Variants in CACNA2D1 observed in about 807,000 individuals in gnomAD.
CACNA2D1 encodes the protein calcium voltage-gated channel auxiliary subunit alpha2delta 1.
A neutral mutation model predicts 171.5 loss-of-function variants in CACNA2D1; 53 were observed. The observed-to-expected ratio is 0.31, with a 90% CI of 0.25 to 0.39. The LOEUF is 0.39. CACNA2D1 is among the 10% of genes least tolerant of loss of function. CACNA2D1 has a pLI of 1.00. For missense variants in CACNA2D1, 903 were observed against 1,299.8 expected, an observed-to-expected ratio of 0.69 and a Z score of 4.69; for synonymous variants, 442 against 443.1, an observed-to-expected ratio of 1.00 and a Z score of 0.03.
intron 6 of CACNA2D1, among the ~76,000 whole-genome samples, chr7:82,093,097 T>C (rs1811420738): frequency 6.6e-6 from 1 of 152,146 alleles, no homozygotes; most frequent in African/African-American, 2.4e-5. Context: ...ATGTATGTAA[T>C]GTGTGCAAAA....
intron 6 of CACNA2D1, among the ~76,000 whole-genome samples, chr7:82,093,346 T>G (rs1369974504): frequency 6.6e-6 from 1 of 152,220 alleles, no homozygotes; most frequent in African/African-American, 2.4e-5. Flanking sequence ...TTAATCATCA[T>G]TATTTTCTCT....
intron 7 of CACNA2D1, among the ~76,000 whole-genome samples, chr7:82,083,066 C>T (rs1009548716): frequency 2.6e-5 from 4 of 151,898 alleles, no homozygotes; most frequent in African/African-American, 9.7e-5. Flanking sequence ...TCTTGTAACC[C>T]TTTTCTCTCT....
intron 5 of CACNA2D1, among the ~76,000 whole-genome samples, chr7:82,129,522 A>C (rs573035307): frequency 6.6e-6 from 1 of 152,248 alleles, no homozygotes; most frequent in African/African-American, 2.4e-5. Context: ...CACATTGTCA[A>C]ATTTGTTAGT....
At chr7:82,000,563 T>C (rs37120) in intron 18 of CACNA2D1, among the ~76,000 whole-genome samples, 3,294 of 151,886 alleles carry the variant, frequency 0.022, 123 homozygotes, top group African/African-American at 0.074. Context: ...CTTAATAACA[T>C]ATTACCTCTT....
intron 31 of CACNA2D1, among the ~76,000 whole-genome samples, chr7:81,966,593 T>C (rs972284057): frequency 6.6e-5 from 10 of 151,334 alleles, no homozygotes; most frequent in Non-Finnish European, 1.3e-4. Flanking sequence ...ATTATTTATC[T>C]AGTATCATTC....
At chr7:82,027,561 A>G (rs765490118) in intron 12 of CACNA2D1, 1 of 151,706 alleles carries the variant, frequency 6.6e-6, no homozygotes, top group Non-Finnish European at 1.5e-5. Flanking sequence ...ATAATAATGT[A>G]TAAGGTCTTC....
rs183159961 is a variant in CACNA2D1, at chr7:82,172,736, C to T, written c.295-2127G>A. ...TACACACATGAGCCATCCTGCCCGG[C>T]CAAAGACATGCCCTTGACAAAATTT... is the stretch of plus-strand genomic sequence containing the variant. On this transcript the variant is annotated intron_variant, in intron 3 of 38. Transcript: ENST00000356860. 2.7e-3 allele frequency among the ~76,000 whole-genome samples: 403 copies of T among 146,666 alleles called. 2 individuals carry two copies. The highest frequency in any genetic ancestry group is 9.8e-3 in the African/African-American group (388 of 39,520).
chr7:82,391,718 A>C (rs868725507), intron 1 of CACNA2D1, among the ~76,000 whole-genome samples: 1 of 152,188 alleles, frequency 6.6e-6, no homozygotes, highest in Non-Finnish European at 1.5e-5. Flanking sequence ...TGGAAAGGGG[A>C]TTCCTTAAGG....
chr7:82,258,804 C>CTTACT (rs1209273688), intron 3 of CACNA2D1, among the ~76,000 whole-genome samples: 3 of 89,522 alleles, frequency 3.4e-5, no homozygotes, highest in Non-Finnish European at 4.8e-5. Context: ...TTCTTTCTTT[C>CTTACT]TTTCTTACTT....
intron 1 of CACNA2D1, among the ~76,000 whole-genome samples, chr7:82,368,885 T>G (rs1341652078): frequency 6.6e-6 from 1 of 152,206 alleles, no homozygotes; most frequent in Non-Finnish European, 1.5e-5. Flanking sequence ...TGTATCATTC[T>G]CATTCCAGAA....
rs115449301 is a variant in CACNA2D1 at position 82,251,665 on chromosome 7, T to C, written c.295-81056A>G. ...TCTAGGTATGTAAGTGATTTGATGT[T>C]ATTATGCCCTCTGTTCTTTTCATTT... is the stretch of plus-strand genomic sequence containing the variant. On this transcript the variant is annotated intron_variant, in intron 3 of 38. Coordinates refer to ENST00000356860, the MANE Select transcript of CACNA2D1 (RefSeq NM_000722.4). Among the ~76,000 whole-genome samples the C allele has an allele frequency of 8.6e-3, 1,308 of 152,320 alleles. 15 individuals carry two copies. The highest frequency in any genetic ancestry group is 0.03 in the African/African-American group (1,244 of 41,572).
chr7:82,386,185 C>T (rs1044409466), intron 1 of CACNA2D1, among the ~76,000 whole-genome samples: 30 of 152,254 alleles, frequency 2.0e-4, no homozygotes, highest in African/African-American at 6.0e-4. Context: ...ACAATACCCA[C>T]TGCAATAACT....
At chr7:82,145,928 A>G (rs1347058636) in intron 4 of CACNA2D1, among the ~76,000 whole-genome samples, 1 of 151,964 alleles carries the variant, frequency 6.6e-6, no homozygotes, top group Non-Finnish European at 1.5e-5. Flanking sequence ...GGCCTTTTGT[A>G]AGCTTGCTTC....
intron 3 of CACNA2D1, among the ~76,000 whole-genome samples, chr7:82,215,635 A>T (rs2129235260): frequency 6.6e-6 from 1 of 152,216 alleles, no homozygotes; most frequent in African/African-American, 2.4e-5. Flanking sequence ...TTCCTGTTAC[A>T]CTTTATTTAT....
chr7:82,162,501 G>C (rs73157510), intron 4 of CACNA2D1, among the ~76,000 whole-genome samples: 1 of 151,936 alleles, frequency 6.6e-6, no homozygotes, highest in African/African-American at 2.4e-5. Context: ...GCAGGGGAGA[G>C]CTGGTCATTC....
At chr7:82,328,768 A>G (rs1371752189) in intron 3 of CACNA2D1, among the ~76,000 whole-genome samples, 2 of 152,124 alleles carry the variant, frequency 1.3e-5, no homozygotes, top group Non-Finnish European at 2.9e-5. Flanking sequence ...GTCCTACCAA[A>G]CTTCATGAAA....
intron 3 of CACNA2D1, among the ~76,000 whole-genome samples, chr7:82,265,531 C>A (rs1199750836): frequency 1.4e-5 from 2 of 147,910 alleles, no homozygotes; most frequent in African/African-American, 5.0e-5. Flanking sequence ...ACAATAGGTC[C>A]TTTTGGTTTA....
chr7:82,118,657 T>C (rs1423505129), intron 5 of CACNA2D1, among the ~76,000 whole-genome samples: 1 of 152,112 alleles, frequency 6.6e-6, no homozygotes, highest in African/African-American at 2.4e-5. Flanking sequence ...TACTTCTGTT[T>C]CCTCTGAATC....
chr7:82,007,939 G>A (rs1172416789), intron 15 of CACNA2D1, among the ~76,000 whole-genome samples, 183 bp from the exon 16 acceptor site: 1 of 151,934 alleles, frequency 6.6e-6, no homozygotes, highest in Non-Finnish European at 1.5e-5. Flanking sequence ...AAATATCTTG[G>A]AAATAATTAG....
Sources: gnomAD v4.1 joint callset for allele counts (sites outside exome capture counted in the v4.1 genomes callset) on GRCh38, gnomAD v4.1.1 for gene constraint, MANE v1.5 for transcripts, NCBI Gene and HGNC (gene_info 2026-07-23, HGNC 2026-07-21) for gene names.